The following DNM3 variants were observed in gnomAD, a reference collection of about 807,000 sequenced individuals.
DNM3 encodes the protein dynamin 3.
DNM3 carries 47 observed loss-of-function variants against 101.6 expected under a neutral mutation model. That is an observed-to-expected ratio of 0.46 (90% CI 0.37 to 0.59). The LOEUF (loss-of-function observed/expected upper bound fraction) is 0.59, where lower values mean the gene tolerates loss of function less well. DNM3 is among the 20% of genes least tolerant of loss of function. The probability of loss-of-function intolerance (pLI) is 0.00; values close to 1 mark genes in which losing one functional copy is unlikely to be tolerated. For missense variants in DNM3, 849 were observed against 1,085.7 expected (o/e 0.78, Z 3.06); for synonymous variants, 385 against 387.9 (o/e 0.99, Z 0.09).
intron 14 of DNM3, among the ~76,000 whole-genome samples, chr1:172,232,004 G>C (rs1018631666): frequency 6.6e-6 from 1 of 152,126 alleles, no homozygotes; most frequent in Admixed American, 6.6e-5. Flanking sequence ...ATGGAACCAA[G>C]TTGGAAAACA....
chr1:172,083,701 CT>C (rs1200170559), intron 12 of DNM3, among the ~76,000 whole-genome samples: 7 of 151,782 alleles, frequency 4.6e-5, no homozygotes, highest in East Asian at 1.9e-4. Context: ...CTTCTTGAAA[CT>C]TTTTTTTTCT....
At chr1:172,094,937 T>C (rs917833048) in intron 13 of DNM3, among the ~76,000 whole-genome samples, 3 of 152,186 alleles carry the variant, frequency 2.0e-5, no homozygotes, top group Non-Finnish European at 2.9e-5. Flanking sequence ...AATAGTATAA[T>C]AGCATATATG....
intron 14 of DNM3, among the ~76,000 whole-genome samples, chr1:172,227,816 C>G (rs2061190930): frequency 6.6e-6 from 1 of 152,028 alleles, no homozygotes; most frequent in South Asian, 2.1e-4. Context: ...AATATTCCAG[C>G]CAATGGTGTA....
chr1:171,987,276 T>C, intron 2 of DNM3: 1 of 984,580 alleles, frequency 1.0e-6, no homozygotes, highest in Non-Finnish European at 1.2e-6. Context: ...GAAATGGTGA[T>C]ACTGAAGAGG....
Position 172,165,255 on chromosome 1 carries a change from T to C in DNM3, c.1659+33967T>C, listed in dbSNP as rs568045909. The stretch of plus-strand genomic sequence containing the variant: ...TAAGTCTAAAATTATCTCAAAAAAG[T>C]TTTTTTAGAAAGTGGAAAATAAAAG... On this transcript the variant is annotated intron_variant, in intron 14 of 20. Coordinates refer to ENST00000627582, the MANE Select transcript of DNM3 (RefSeq NM_015569.5). Among the ~76,000 whole-genome samples the C allele has an allele frequency of 1.4e-3, 214 of 152,088 alleles. 2 individuals are homozygous for C. The highest frequency in any genetic ancestry group is 2.0e-3 in the Non-Finnish European group (133 of 67,968).
At position 171,915,179 on chromosome 1, in the gene DNM3, C is replaced by A. The variant is rs2039617409; in HGVS notation, c.162-6569C>A. On this transcript the variant is annotated intron_variant, in intron 1 of 20. Transcript: ENST00000627582. ...TAAATTAATTGTAAGAAGTTCTATG[C>A]CTCTGATGTAGGGTTTCACTTGGAG... is the stretch of plus-strand genomic sequence containing the variant. Among the ~76,000 whole-genome samples the A allele has an allele frequency of 2.0e-5, 3 of 152,254 alleles. No individual in the cohort carries two copies. The South Asian group carries it at 6.2e-4, about 32-fold the overall frequency.
chr1:171,878,330 T>A (rs1375588863), intron 1 of DNM3, among the ~76,000 whole-genome samples: 1 of 152,014 alleles, frequency 6.6e-6, no homozygotes, highest in Non-Finnish European at 1.5e-5. Flanking sequence ...TGGCAGTTAA[T>A]AAGGTACTTT....
At chr1:171,875,540 A>G (rs1571360215) in intron 1 of DNM3, among the ~76,000 whole-genome samples, 1 of 152,318 alleles carries the variant, frequency 6.6e-6, no homozygotes, top group East Asian at 1.9e-4. Context: ...TACTGGCAAT[A>G]GAGTGTGCCA....
intron 14 of DNM3, among the ~76,000 whole-genome samples, chr1:172,228,514 C>T (rs1413568199): frequency 6.6e-6 from 1 of 152,072 alleles, no homozygotes; most frequent in Non-Finnish European, 1.5e-5. Context: ...CATTTTCCCT[C>T]TGATTACTTT....
intron 16 of DNM3, among the ~76,000 whole-genome samples, chr1:172,316,636 C>A (rs2148894839): frequency 6.6e-6 from 1 of 152,098 alleles, no homozygotes; most frequent in Non-Finnish European, 1.5e-5. Flanking sequence ...TCAAAAGAGA[C>A]AAAGAAGGCT....
intron 4 of DNM3, among the ~76,000 whole-genome samples, chr1:172,017,764 G>C (rs757739815): frequency 1.3e-5 from 2 of 152,080 alleles, no homozygotes; most frequent in Non-Finnish European, 2.9e-5. Context: ...CGGATTTTCT[G>C]CTTGCTGGAT....
chr1:171,960,127 T>C (rs781025257), intron 2 of DNM3, among the ~76,000 whole-genome samples: 5 of 151,916 alleles, frequency 3.3e-5, no homozygotes, highest in Non-Finnish European at 5.9e-5. Flanking sequence ...ACTTATAAAA[T>C]GAGAAAAATT....
chr1:171,950,203 C>T (rs1014485489), intron 2 of DNM3, among the ~76,000 whole-genome samples: 7 of 151,798 alleles, frequency 4.6e-5, no homozygotes, highest in Admixed American at 2.0e-4. Flanking sequence ...GTGAAAGAAG[C>T]CAGAAAAAAA....
chr1:171,990,395 ACT>A (rs1208698255), intron 4 of DNM3, among the ~76,000 whole-genome samples: 1 of 151,986 alleles, frequency 6.6e-6, no homozygotes, highest in African/African-American at 2.4e-5. Flanking sequence ...TTGTTAGGAG[ACT>A]TCCTCAACTG....
In DNM3 at chr1:172,147,008, C is replaced by T. The variant is rs375165099; in HGVS notation, c.1659+15720C>T. Among the ~76,000 whole-genome samples the T allele has an allele frequency of 3.9e-5, 6 of 152,074 alleles. No individual in the cohort carries two copies. The East Asian group carries it at 1.2e-3, about 29-fold the overall frequency. On this transcript the variant is annotated intron_variant, in intron 14 of 20. Transcript: ENST00000627582. ...CGTGAAACATTTTAAGGAATTTTCT[C>T]CAGAGACAGCTATAGAAATTGAGTT...
chr1:172,244,238 G>C (rs1048472196), intron 14 of DNM3, among the ~76,000 whole-genome samples: 1 of 151,868 alleles, frequency 6.6e-6, no homozygotes, highest in African/African-American at 2.4e-5. Context: ...GTGTATATGT[G>C]CCACATTTTC....
intron 6 of DNM3, 109 bp downstream of exon 6, chr1:172,033,374 C>G: frequency 8.4e-7 from 1 of 1,194,914 alleles, no homozygotes; most frequent in East Asian, 2.6e-5. Context: ...ACAAGACATG[C>G]AGCTTCAATG....
At chr1:172,218,198 A>G (rs1467278900) in intron 14 of DNM3, among the ~76,000 whole-genome samples, 1 of 152,184 alleles carries the variant, frequency 6.6e-6, no homozygotes, top group Non-Finnish European at 1.5e-5. Flanking sequence ...AGAGAGTAAA[A>G]GAAGAACACT....
chr1:172,255,963 C>A (rs2062379921), intron 15 of DNM3, among the ~76,000 whole-genome samples: 1 of 152,082 alleles, frequency 6.6e-6, no homozygotes, highest in Non-Finnish European at 1.5e-5. Flanking sequence ...TCAACCTCTC[C>A]ACCTGGAAGA....
Sources: gnomAD v4.1 joint callset for allele counts (sites outside exome capture counted in the v4.1 genomes callset) on GRCh38, gnomAD v4.1.1 for gene constraint, MANE v1.5 for transcripts, NCBI Gene and HGNC (gene_info 2026-07-23, HGNC 2026-07-21) for gene names.